PDE11A: variants seen among roughly 807,000 people sequenced by gnomAD.
The protein encoded by PDE11A is phosphodiesterase 11A.
A neutral mutation model predicts 100.5 loss-of-function variants in PDE11A; 100 were observed. The observed-to-expected ratio is 1.00, with a 90% CI of 0.85 to 1.18. PDE11A has a LOEUF of 1.18. Ranked by LOEUF, PDE11A falls within the 50% of genes most tolerant of loss-of-function variation. The pLI is 0.00. For missense variants in PDE11A, 1,141 were observed against 1,152.6 expected, an observed-to-expected ratio of 0.99 and a Z score of 0.15; for synonymous variants, 381 against 420.8, an observed-to-expected ratio of 0.91 and a Z score of 1.16.
chr2:177,719,569 T>C (rs1307726395), intron 12 of PDE11A, among the ~76,000 whole-genome samples: 1 of 152,174 alleles, frequency 6.6e-6, no homozygotes, highest in Non-Finnish European at 1.5e-5. Flanking sequence ...AGACATGGTT[T>C]CTCAAGGAGG....
At chr2:177,704,836 T>C (rs531964345) in intron 13 of PDE11A, among the ~76,000 whole-genome samples, 4 of 152,076 alleles carry the variant, frequency 2.6e-5, no homozygotes, top group Non-Finnish European at 5.9e-5. Context: ...TACTTTTAAT[T>C]GATTGTGAAA....
At chr2:177,812,600 G>A (rs2105572151) in intron 9 of PDE11A, among the ~76,000 whole-genome samples, 1 of 152,200 alleles carries the variant, frequency 6.6e-6, no homozygotes, top group African/African-American at 2.4e-5. Context: ...AGCTAGATAT[G>A]AGCAGGAGGG....
chr2:177,735,122 G>A (rs925649723), intron 10 of PDE11A, among the ~76,000 whole-genome samples: 2 of 152,190 alleles, frequency 1.3e-5, no homozygotes, highest in African/African-American at 2.4e-5. Context: ...AACAGTATGG[G>A]TTAAGAGCTG....
At chr2:177,664,066 TCA>T in intron 18 of PDE11A, 117 bp from the exon 19 acceptor site, 1 of 695,646 alleles carries the variant, frequency 1.4e-6, no homozygotes, top group South Asian at 1.5e-5. Context: ...CCTTCGCAAA[TCA>T]CAATCAATCT....
At chr2:177,654,898 C>T (rs941659582) in intron 19 of PDE11A, among the ~76,000 whole-genome samples, 3 of 151,672 alleles carry the variant, frequency 2.0e-5, no homozygotes, top group African/African-American at 4.8e-5. Context: ...AAGAGAGGCT[C>T]ATGAAGAAAA....
chr2:178,099,847 G>C (rs1036086148), intron 2 of PDE11A, among the ~76,000 whole-genome samples: 2 of 152,170 alleles, frequency 1.3e-5, no homozygotes, highest in Non-Finnish European at 2.9e-5. Flanking sequence ...GAGCCAAAAG[G>C]TGGAAGCAAC....
At position 177,977,122 on chromosome 2, in the gene PDE11A, T is replaced by C. The variant is rs1244902177; in HGVS notation, c.1071+37180A>G. On this transcript the variant is annotated intron_variant, in intron 2 of 19. Transcript: ENST00000286063. ...AGGCAGGAGAAGGAAATAAAGGGTA[T>C]TCAATTAGGAAAAGAGGAAGTCAAA... Among the ~76,000 whole-genome samples the C allele has an allele frequency of 3.2e-4, 11 of 34,524 alleles. No individual in the cohort carries two copies. In the East Asian group the frequency reaches 6.7e-3, roughly 21 times the overall value. 22.6% of individuals were successfully genotyped at this position (34,524 alleles called of 152,430 possible).
chr2:177,742,032 C>T (rs372391982), intron 10 of PDE11A, among the ~76,000 whole-genome samples: 15 of 100,596 alleles, frequency 1.5e-4, no homozygotes, highest in African/African-American at 4.5e-4. Context: ...GAGACACTGT[C>T]TCTTAAGAAA....
intron 6 of PDE11A, among the ~76,000 whole-genome samples, chr2:177,837,332 C>T (rs574382020): frequency 5.7e-4 from 87 of 152,272 alleles, no homozygotes; most frequent in Admixed American, 1.5e-3. Flanking sequence ...TGGTCAGTAA[C>T]AAACTTTGCT....
chr2:177,958,044 C>G (rs902270392), intron 2 of PDE11A, among the ~76,000 whole-genome samples: 40 of 151,948 alleles, frequency 2.6e-4, no homozygotes, highest in African/African-American at 9.7e-4. Context: ...GTGCGCGCAA[C>G]CATGCCCTGC....
At chr2:177,765,379 A>G (rs994651372) in intron 10 of PDE11A, among the ~76,000 whole-genome samples, 1 of 152,246 alleles carries the variant, frequency 6.6e-6, no homozygotes, top group Non-Finnish European at 1.5e-5. Flanking sequence ...CAAATGGTAC[A>G]AACTAAGAGT....
intron 5 of PDE11A, among the ~76,000 whole-genome samples, chr2:177,854,279 G>A (rs1236696285): frequency 2.0e-5 from 3 of 151,786 alleles, no homozygotes; most frequent in Non-Finnish European, 4.4e-5. Flanking sequence ...AATAAATAGG[G>A]GTAATGAGAG....
Position 177,663,876 on chromosome 2 carries a change from G to C in PDE11A, c.2636C>G (p.Pro879Arg). The change falls in exon 19 of 20, where the codon CCT becomes CGT. Residue 879 changes from proline to arginine, a missense_variant. Pro to Arg is a moderately radical substitution (Grantham distance 103). Transcript: ENST00000286063. The part of the protein sequence containing the change: ...QLEWIDSICM[P>R]LYQALVKVNV... The stretch of plus-strand genomic sequence containing the variant: ...CCCAAATCAAAGTACCTGATACAAA[G>C]GCATGCAGATGCTATCAATCCACTC... The C allele has an allele frequency of 6.3e-7, 1 of 1,580,004 alleles. No homozygotes were observed. Among genetic ancestry groups the C allele is most frequent in the South Asian group, 1.1e-5 (1 of 90,400 alleles).
intron 5 of PDE11A, among the ~76,000 whole-genome samples, chr2:177,873,397 G>A (rs962748484): frequency 6.6e-6 from 1 of 152,122 alleles, no homozygotes; most frequent in East Asian, 1.9e-4. Flanking sequence ...TATACTACTA[G>A]TAACTTTCTA....
chr2:177,871,479 G>C (rs1451115302), intron 5 of PDE11A, among the ~76,000 whole-genome samples: 1 of 151,740 alleles, frequency 6.6e-6, no homozygotes, highest in East Asian at 1.9e-4. Context: ...GCCAGAGGGA[G>C]AGGATTTATG....
At chr2:177,966,406 A>G (rs2085698806) in intron 2 of PDE11A, among the ~76,000 whole-genome samples, 1 of 152,154 alleles carries the variant, frequency 6.6e-6, no homozygotes, top group South Asian at 2.1e-4. Flanking sequence ...GAGAGTGGAC[A>G]TTCTTGTCTT....
chr2:177,887,517 A>T (rs1366282316), intron 4 of PDE11A, among the ~76,000 whole-genome samples: 3 of 152,068 alleles, frequency 2.0e-5, no homozygotes, highest in African/African-American at 7.2e-5. Flanking sequence ...TAATCCCAAC[A>T]CTTTGGGAGG....
At chr2:177,877,617 G>C (rs1271196722) in intron 4 of PDE11A, among the ~76,000 whole-genome samples, 2 of 152,180 alleles carry the variant, frequency 1.3e-5, no homozygotes, top group African/African-American at 4.8e-5. Context: ...TAAAATTTCA[G>C]GGAGGGGATG....
intron 2 of PDE11A, chr2:177,998,507 T>C (rs986563862): frequency 3.6e-6 from 5 of 1,387,226 alleles, no homozygotes; most frequent in African/African-American, 2.8e-5. Flanking sequence ...CAGTGGTAAA[T>C]TGAGGCAGTT....
Sources: gnomAD v4.1 joint callset for allele counts (sites outside exome capture counted in the v4.1 genomes callset) on GRCh38, gnomAD v4.1.1 for gene constraint, MANE v1.5 for transcripts, NCBI Gene and HGNC (gene_info 2026-07-23, HGNC 2026-07-21) for gene names.